Variants in AKAP6 observed in about 807,000 individuals in gnomAD.
AKAP6 encodes A-kinase anchor protein 6.
A neutral mutation model predicts 188.5 loss-of-function variants in AKAP6; 58 were observed. That is an observed-to-expected ratio of 0.31 (90% CI 0.25 to 0.38). AKAP6 has a LOEUF of 0.38. Ranked by LOEUF, AKAP6 falls within the 10% of genes least tolerant of loss-of-function variation. The pLI, the probability that AKAP6 is intolerant of heterozygous loss-of-function variation, is 1.00. For missense variants in AKAP6, 2,710 were observed against 2,740.0 expected, an observed-to-expected ratio of 0.99 and a Z score of 0.24; for synonymous variants, 989 against 998.6, an observed-to-expected ratio of 0.99 and a Z score of 0.18.
chr14:32,521,675 A>G (rs1363726276), intron 2 of AKAP6, among the ~76,000 whole-genome samples: 1 of 152,212 alleles, frequency 6.6e-6, no homozygotes, highest in East Asian at 1.9e-4. Context: ...CCACTGCTCA[A>G]TGAAATAAAA....
chr14:32,577,045 A>G (rs1411901042), intron 4 of AKAP6, 75 bp from the exon 5 acceptor site: 2 of 1,520,008 alleles, frequency 1.3e-6, no homozygotes, highest in Non-Finnish European at 1.8e-6. Context: ...AACTTTTAAT[A>G]TTGGCTTTTT....
At chr14:32,707,197 T>C (rs908142551) in intron 9 of AKAP6, among the ~76,000 whole-genome samples, 2 of 152,106 alleles carry the variant, frequency 1.3e-5, no homozygotes, top group African/African-American at 2.4e-5. Flanking sequence ...TTTAAAAAAA[T>C]CTTTCACCAA....
intron 4 of AKAP6, among the ~76,000 whole-genome samples, chr14:32,572,543 T>C (rs1884539723): frequency 6.6e-6 from 1 of 152,178 alleles, no homozygotes. Flanking sequence ...CCAGACAGTT[T>C]ATATTTAACC....
Position 32,658,202 on chromosome 14 carries a change from A to G in AKAP6, c.2731-20109A>G, listed in dbSNP as rs561606687. Among the ~76,000 whole-genome samples, 17 of 152,264 alleles carry G rather than the reference A, an allele frequency of 1.1e-4. No individual in the cohort carries two copies. The East Asian group carries it at 3.3e-3, about 29-fold the overall frequency. On this transcript the variant is annotated intron_variant, in intron 7 of 13. Transcript: ENST00000280979. ...GTGATTGATTTATTACATATAAGGA[A>G]GACGACAGTCTATGGGGATTTTTCA...
chr14:32,708,100 A>T (rs930452241), intron 9 of AKAP6, among the ~76,000 whole-genome samples: 1 of 152,112 alleles, frequency 6.6e-6, no homozygotes, highest in Non-Finnish European at 1.5e-5. Context: ...TTATTTATAC[A>T]TGTGAAGGTA....
intron 7 of AKAP6, among the ~76,000 whole-genome samples, chr14:32,675,794 A>C (rs1194766917): frequency 1.3e-5 from 2 of 152,254 alleles, no homozygotes; most frequent in South Asian, 2.1e-4. Context: ...TTGTAAGGTG[A>C]CTATTTTTCG....
In AKAP6 at chr14:32,510,877, G is replaced by A. The variant is rs150917735; in HGVS notation, c.325-24677G>A. 9.4e-4 allele frequency among the ~76,000 whole-genome samples: 143 copies of A among 152,146 alleles called. 2 individuals are homozygous for A. The highest frequency in any genetic ancestry group is 3.4e-3 in the African/African-American group (141 of 41,526). Reference sequence around the variant, plus strand: ...CTGGCCAATCTAATCCTTACTGTTTGGATTCTGTGATAACACCGAGGGCTC... The same window carrying A: ...CTGGCCAATCTAATCCTTACTGTTTAGATTCTGTGATAACACCGAGGGCTC... On this transcript the variant is annotated intron_variant, in intron 2 of 13. Coordinates refer to ENST00000280979, the MANE Select transcript of AKAP6 (RefSeq NM_004274.5).
chr14:32,349,656 G>A (rs72666145), intron 1 of AKAP6, among the ~76,000 whole-genome samples: 9,641 of 152,208 alleles, frequency 0.063, 404 homozygotes, highest in Non-Finnish European at 0.082. Flanking sequence ...CTATGTGTCA[G>A]GCTCTGTGTT....
intron 7 of AKAP6, among the ~76,000 whole-genome samples, chr14:32,654,455 A>T (rs1461685406): frequency 6.6e-6 from 1 of 152,178 alleles, no homozygotes; most frequent in East Asian, 1.9e-4. Context: ...GCAACAAACC[A>T]ATTAAATCAA....
chr14:32,432,740 T>G (rs563657745), intron 1 of AKAP6, among the ~76,000 whole-genome samples: 1 of 152,346 alleles, frequency 6.6e-6, no homozygotes, highest in East Asian at 1.9e-4. Context: ...GTTGATTTTA[T>G]AGTCAAAATG....
intron 2 of AKAP6, among the ~76,000 whole-genome samples, chr14:32,509,127 T>C (rs1366699496): frequency 1.9e-5 from 1 of 52,032 alleles, no homozygotes; most frequent in Non-Finnish European, 4.1e-5. Flanking sequence ...CCTCTTTTTT[T>C]TTTTTTTTTT....
At chr14:32,782,122 G>A (rs2033270556) in intron 12 of AKAP6, among the ~76,000 whole-genome samples, 2 of 135,140 alleles carry the variant, frequency 1.5e-5, no homozygotes, top group African/African-American at 2.7e-5. Context: ...CCGAGATCAC[G>A]CCACTGTATT....
At chr14:32,570,821 C>T (rs565307643) in intron 4 of AKAP6, among the ~76,000 whole-genome samples, 3 of 152,306 alleles carry the variant, frequency 2.0e-5, no homozygotes, top group African/African-American at 7.2e-5. Context: ...TTTTAATATA[C>T]CCTTCCATGT....
At chr14:32,597,708 G>A (rs1885762795) in intron 5 of AKAP6, among the ~76,000 whole-genome samples, 6 of 152,030 alleles carry the variant, frequency 3.9e-5, no homozygotes, top group Admixed American at 3.3e-4. Context: ...CTGTTATATT[G>A]GCTGCTGAAA....
chr14:32,819,509 C>A (rs1320705473), intron 12 of AKAP6, among the ~76,000 whole-genome samples: 1 of 152,114 alleles, frequency 6.6e-6, no homozygotes, highest in Non-Finnish European at 1.5e-5. Flanking sequence ...CTGTGTGATA[C>A]CTCTGTCTTT....
chr14:32,376,520 G>A (rs1466638057), intron 1 of AKAP6, among the ~76,000 whole-genome samples: 1 of 152,046 alleles, frequency 6.6e-6, no homozygotes, highest in East Asian at 1.9e-4. Context: ...TTTGGTCAGT[G>A]TCTATTGAAT....
intron 2 of AKAP6, among the ~76,000 whole-genome samples, chr14:32,521,994 T>G (rs1881862840): frequency 6.6e-6 from 1 of 152,210 alleles, no homozygotes; most frequent in Non-Finnish European, 1.5e-5. Context: ...AACAGAGTTA[T>G]AGACCAATGG....
intron 9 of AKAP6, among the ~76,000 whole-genome samples, chr14:32,722,827 A>T (rs991747478): frequency 2.0e-5 from 3 of 152,144 alleles, no homozygotes; most frequent in African/African-American, 7.2e-5. Flanking sequence ...TTCTTCCTGG[A>T]TGCTGGACAA....
rs562207101 is a variant in AKAP6 at position 32,654,660 on chromosome 14, C to T, written c.2731-23651C>T. Among the ~76,000 whole-genome samples, 31 of 148,046 alleles carry T rather than the reference C, an allele frequency of 2.1e-4. No individual in the cohort carries two copies. The South Asian group carries it at 5.2e-3, about 25-fold the overall frequency. Reference sequence around the variant, plus strand: ...CAGGAGTTCAAGACCAGCCTGGCAACGTGGCAAGACCTTGTCTCTACTGAA... The same window carrying T: ...CAGGAGTTCAAGACCAGCCTGGCAATGTGGCAAGACCTTGTCTCTACTGAA... On this transcript the variant is annotated intron_variant, in intron 7 of 13. Coordinates refer to ENST00000280979, the MANE Select transcript of AKAP6 (RefSeq NM_004274.5).
Sources: gnomAD v4.1 joint callset for allele counts (sites outside exome capture counted in the v4.1 genomes callset) on GRCh38, gnomAD v4.1.1 for gene constraint, MANE v1.5 for transcripts, NCBI Gene and HGNC (gene_info 2026-07-23, HGNC 2026-07-21) for gene names.